Variants in SRPK2 observed in about 807,000 individuals in gnomAD.
SRPK2 encodes the protein SRSF protein kinase 2.
A neutral mutation model predicts 90.8 loss-of-function variants in SRPK2; 21 were observed. The ratio of observed to expected loss-of-function variants is 0.23; its 90% CI spans 0.16 to 0.33. The LOEUF (loss-of-function observed/expected upper bound fraction) is 0.33, where lower values mean the gene tolerates loss of function less well. Among genes scored for constraint, SRPK2 ranks in the 10% least tolerant of loss-of-function variants. The pLI is 1.00. For synonymous variants in SRPK2, 288 were observed against 311.1 expected (o/e 0.93, Z 0.78); for missense variants, 620 against 869.0 (o/e 0.71, Z 3.60).
At chr7:105,119,207 C>A (rs1235072105) in intron 15 of SRPK2, among the ~76,000 whole-genome samples, 1 of 152,056 alleles carries the variant, frequency 6.6e-6, no homozygotes, top group Non-Finnish European at 1.5e-5. Context: ...TTAATTTAAA[C>A]AAGGTACATT....
intron 2 of SRPK2, among the ~76,000 whole-genome samples, chr7:105,344,900 C>A (rs1170499328): frequency 1.3e-5 from 2 of 150,486 alleles, no homozygotes; most frequent in Admixed American, 6.6e-5. Flanking sequence ...ACTTTGGAGG[C>A]CGAAGTGGGT....
rs745730905 is a variant in SRPK2, at chr7:105,118,025, A to G, written c.1916-3T>C. On this transcript the variant is annotated splice_region_variant and splice_polypyrimidine_tract_variant and intron_variant, in intron 15 of 15. Transcript: ENST00000393651. ...CTTGGTGATGTGTCGCAGTTCTCCTACAGGGGAAAAAACAGGCCAATGTCA... is the reference window on the plus strand; with the variant it reads ...CTTGGTGATGTGTCGCAGTTCTCCTGCAGGGGAAAAAACAGGCCAATGTCA... 1.2e-6 allele frequency: 2 copies of G among 1,612,630 alleles called. No homozygotes were observed. Among genetic ancestry groups the G allele is most frequent in the Admixed American group, 1.7e-5 (1 of 59,898 alleles).
chr7:105,388,911 G>C lies in SRPK2; in HGVS notation c.-105C>G. The C allele has an allele frequency of 8.2e-7, 1 of 1,222,790 alleles. No homozygotes were observed. The highest frequency in any genetic ancestry group is 3.7e-5 in the South Asian group (1 of 26,806). 75.7% of individuals were successfully genotyped at this position (1,222,790 alleles called of 1,614,324 possible). A position where few individuals can be genotyped will look rare whatever the true frequency, so the allele number is the denominator to read the frequency against. On this transcript the variant is annotated 5_prime_UTR_variant, in exon 1 of 16. Transcript: ENST00000393651. ...CGCTCCGCCGGCCGGGAGGAGACGA[G>C]AACCGCGCCTGCGCCGCCGCCGCCG...
intron 11 of SRPK2, among the ~76,000 whole-genome samples, chr7:105,139,115 T>G (rs780226834): frequency 6.6e-6 from 1 of 152,114 alleles, no homozygotes; most frequent in Admixed American, 6.5e-5. Flanking sequence ...GGATGTACAC[T>G]CTCCACTGTG....
chr7:105,263,743 C>T (rs1804651066), intron 2 of SRPK2, among the ~76,000 whole-genome samples: 1 of 152,094 alleles, frequency 6.6e-6, no homozygotes, highest in Admixed American at 6.5e-5. Flanking sequence ...ACAACACACA[C>T]ACACACAAAA....
At chr7:105,145,451 C>G (rs1480932734) in intron 8 of SRPK2, 143 bp from the exon 9 acceptor site, 7 of 531,546 alleles carry the variant, frequency 1.3e-5, no homozygotes, top group Non-Finnish European at 1.9e-5. Context: ...GCTTCTTAAT[C>G]ACAAGGATCT....
At chr7:105,270,365 C>CA (rs1805666142) in intron 2 of SRPK2, among the ~76,000 whole-genome samples, 1 of 150,894 alleles carries the variant, frequency 6.6e-6, no homozygotes, top group Admixed American at 6.6e-5. Flanking sequence ...AGCAGGGTGT[C>CA]AGAGCTCAGA....
chr7:105,222,627 TA>T (rs1229367759), intron 2 of SRPK2, among the ~76,000 whole-genome samples: 3 of 152,254 alleles, frequency 2.0e-5, no homozygotes, highest in African/African-American at 7.2e-5. Flanking sequence ...AAGCATTCCT[TA>T]AAAGTTTTCC....
intron 2 of SRPK2, chr7:105,204,960 C>T (rs1349930012): frequency 6.1e-6 from 2 of 326,846 alleles, no homozygotes; most frequent in Non-Finnish European, 1.2e-5. Context: ...GATCCTTTCT[C>T]TCCTCACTGC....
intron 2 of SRPK2, among the ~76,000 whole-genome samples, chr7:105,387,582 G>A (rs1821761550): frequency 1.3e-5 from 2 of 150,106 alleles, no homozygotes; most frequent in African/African-American, 4.9e-5. Context: ...CAAGGCCAAC[G>A]AGAAGGGGAA....
At chr7:105,399,269 T>C (rs1426377479) in exon 1 of SRPK2, 1 of 152,188 alleles carries the variant, frequency 6.6e-6, no homozygotes, top group Non-Finnish European at 1.5e-5. Flanking sequence ...ACCAAGATAA[T>C]TCACTTGCAT....
intron 2 of SRPK2, among the ~76,000 whole-genome samples, chr7:105,340,506 T>C (rs1479572422): frequency 1.3e-5 from 2 of 151,150 alleles, no homozygotes; most frequent in African/African-American, 4.9e-5. Context: ...CAGGCTCAAG[T>C]GATCCTCCCA....
intron 2 of SRPK2, among the ~76,000 whole-genome samples, chr7:105,364,445 G>A (rs1227113515): frequency 1.4e-5 from 2 of 144,128 alleles, no homozygotes; most frequent in Non-Finnish European, 3.0e-5. Context: ...CTGTCACCCT[G>A]GCTGGAGTGC....
intron 11 of SRPK2, among the ~76,000 whole-genome samples, chr7:105,134,153 T>C (rs1422683493): frequency 6.6e-6 from 1 of 152,152 alleles, no homozygotes; most frequent in Non-Finnish European, 1.5e-5. Flanking sequence ...ATGTAGAACA[T>C]TAAACACTGA....
At chr7:105,345,053 T>C (rs1208584134) in intron 2 of SRPK2, among the ~76,000 whole-genome samples, 2 of 151,880 alleles carry the variant, frequency 1.3e-5, no homozygotes, top group Non-Finnish European at 2.9e-5. Flanking sequence ...GAAGAATCAC[T>C]TGAAACCAGG....
At chr7:105,249,005 C>T (rs1802117096) in intron 2 of SRPK2, among the ~76,000 whole-genome samples, 1 of 152,000 alleles carries the variant, frequency 6.6e-6, no homozygotes, top group Admixed American at 6.6e-5. Flanking sequence ...CAATTCTGTC[C>T]ACGTGTGCTA....
chr7:105,201,449 G>A (rs893701522), intron 3 of SRPK2, among the ~76,000 whole-genome samples: 3 of 152,074 alleles, frequency 2.0e-5, no homozygotes, highest in African/African-American at 7.2e-5. Context: ...TATATTTGGG[G>A]TTTGGATGTC....
At chr7:105,149,310 T>TG (rs1391014923) in intron 7 of SRPK2, among the ~76,000 whole-genome samples, 2 of 152,212 alleles carry the variant, frequency 1.3e-5, no homozygotes, top group Non-Finnish European at 2.9e-5. Flanking sequence ...CTAAGATGTT[T>TG]GGGTGGAGAG....
intron 3 of SRPK2, among the ~76,000 whole-genome samples, chr7:105,182,510 G>A (rs1793013670): frequency 2.0e-5 from 3 of 148,594 alleles, no homozygotes; most frequent in Admixed American, 1.3e-4. Flanking sequence ...GAAGTGCAGC[G>A]GCACAATCTC....
Sources: allele counts gnomAD v4.1 joint callset (sites outside exome capture counted in the v4.1 genomes callset), GRCh38; gene constraint gnomAD v4.1.1; transcripts MANE v1.5; gene names NCBI Gene and HGNC (gene_info 2026-07-23, HGNC 2026-07-21).